The following FCRL3 variants were observed in gnomAD, a reference collection of about 807,000 sequenced individuals.
The protein encoded by FCRL3 is Fc receptor-like protein 3.
Under a neutral mutation model 75.0 loss-of-function variants are expected in FCRL3, and 89 were observed. That is an observed-to-expected ratio of 1.19 (90% confidence interval 1.00 to 1.42). The LOEUF (loss-of-function observed/expected upper bound fraction) is 1.42, where lower values mean the gene tolerates loss of function less well. Ranked by LOEUF, FCRL3 falls within the 40% of genes most tolerant of loss-of-function variation. FCRL3 has a pLI of 0.00. For missense variants in FCRL3, 946 were observed against 880.0 expected (o/e 1.07, Z -0.95); for synonymous variants, 376 against 348.5 (o/e 1.08, Z -0.88).
intron 13 of FCRL3, 79 bp from the exon 14 acceptor site, chr1:157,679,052 C>A: frequency 6.8e-7 from 1 of 1,463,502 alleles, no homozygotes; most frequent in Non-Finnish European, 9.6e-7. Flanking sequence ...ACACTGCATT[C>A]CAAACCAATC....
In FCRL3 at chr1:157,680,742, A is replaced by G. The variant is rs1237769304; in HGVS notation, c.1986T>C (p.Tyr662=). The part of the protein sequence containing the change: ...NVNPGDSNPI[Y]SQIWSIQHTK... ...TATGCTGGATGCTCCAGATCTGGGA[A>G]TAAATCGGGTTGCTATCTCCAGGAT... Residue 662 remains tyrosine, a synonymous_variant, in exon 13 of 15, where the codon TAT becomes TAC. Transcript: ENST00000368184. The G allele has an allele frequency of 3.1e-6, 5 of 1,613,972 alleles. 1 individual carries two copies. The South Asian group carries it at 4.4e-5, about 14-fold the overall frequency.
Position 157,677,963 on chromosome 1 carries a change from A to C in FCRL3, c.*747T>G, listed in dbSNP as rs1654567573. 2.0e-6 allele frequency: 2 copies of C among 985,342 alleles called. No individual in the cohort carries two copies. The highest frequency in any genetic ancestry group is 4.7e-5 in the South Asian group (1 of 21,286). 61.0% of individuals were successfully genotyped at this position (985,342 alleles called of 1,614,324 possible). ...CTCGGGGTTAATGGGTGCTTATAAG[A>C]ATAAAACTGACTGACTAGAAATCTA... On this transcript the variant is annotated 3_prime_UTR_variant, in exon 15 of 15. Coordinates refer to ENST00000368184, the MANE Select transcript of FCRL3 (RefSeq NM_052939.4).
chr1:157,698,291 G>A, intron 4 of FCRL3, 93 bp downstream of exon 4: 1 of 1,475,452 alleles, frequency 6.8e-7, no homozygotes, highest in South Asian at 1.2e-5. Context: ...CCCCATGTCT[G>A]CTTACAACTC....
chr1:157,692,870 T>C (rs1041213678), intron 8 of FCRL3, among the ~76,000 whole-genome samples: 32 of 152,168 alleles, frequency 2.1e-4, no homozygotes, highest in African/African-American at 7.7e-4. Flanking sequence ...TTCTATGTCG[T>C]CTTATTACCA....
chr1:157,684,296 G>A (rs1229090992), intron 10 of FCRL3, among the ~76,000 whole-genome samples: 1 of 152,018 alleles, frequency 6.6e-6, no homozygotes, highest in Non-Finnish European at 1.5e-5. Flanking sequence ...GGCTCTAATC[G>A]GTCTCATTGG....
chr1:157,678,693 C>T lies in FCRL3; in HGVS notation c.*17G>A. ...AATGGTGCAGGCTGTTTCCTGTGGG[C>T]CACTCTGGGTAAGGGGCTAGTGGTC... On this transcript the variant is annotated 3_prime_UTR_variant, in exon 15 of 15. Transcript: ENST00000368184. The T allele has an allele frequency of 6.2e-7, 1 of 1,612,222 alleles. No homozygotes were observed. The highest frequency in any genetic ancestry group is 1.7e-5 in the Admixed American group (1 of 59,976).
intron 10 of FCRL3, 124 bp from the exon 11 acceptor site, chr1:157,683,368 T>C: frequency 8.3e-7 from 1 of 1,204,668 alleles, no homozygotes; most frequent in Middle Eastern, 2.0e-4. Flanking sequence ...AACTCAAGGA[T>C]TATCCAGCTC....
chr1:157,684,632 C>T (rs547466395), intron 10 of FCRL3, among the ~76,000 whole-genome samples: 25 of 152,194 alleles, frequency 1.6e-4, no homozygotes, highest in Admixed American at 8.5e-4. Flanking sequence ...TGGGCCAGCA[C>T]GGTGCTAAGC....
In FCRL3 at chr1:157,677,019, A is replaced by G; in HGVS notation, c.*1691T>C. The G allele has an allele frequency of 7.9e-7, 1 of 1,273,146 alleles. No homozygotes were observed. The highest frequency in any genetic ancestry group is 1.0e-6 in the Non-Finnish European group (1 of 998,578). 78.9% of individuals were successfully genotyped at this position (1,273,146 alleles called of 1,614,324 possible). ...TCCTCCCTCTTCAAGGGACCTTAAA[A>G]TTTTAATGCCAATATGAACATGAAC... On this transcript the variant is annotated 3_prime_UTR_variant, in exon 15 of 15. Transcript: ENST00000368184.
chr1:157,679,689 C>T (rs1190706386), intron 13 of FCRL3, among the ~76,000 whole-genome samples: 1 of 151,394 alleles, frequency 6.6e-6, no homozygotes, highest in Non-Finnish European at 1.5e-5. Flanking sequence ...TTTAGCTGGG[C>T]ATGGTGATGC....
chr1:157,687,477 C>A (rs1224770268), intron 10 of FCRL3, among the ~76,000 whole-genome samples: 1 of 133,040 alleles, frequency 7.5e-6, no homozygotes. Flanking sequence ...CAAAAAGACA[C>A]ATGCACTCAT....
chr1:157,697,170 T>C lies in FCRL3; in HGVS notation c.814A>G (p.Arg272Gly). 1 of 1,503,742 alleles carries C rather than the reference T, an allele frequency of 6.7e-7. No individual in the cohort carries two copies. Among genetic ancestry groups the C allele is most frequent in the South Asian group, 1.4e-5 (1 of 71,784 alleles). 93.1% of individuals were successfully genotyped at this position (1,503,742 alleles called of 1,614,324 possible). A position where few individuals can be genotyped will look rare whatever the true frequency, so the allele number is the denominator to read the frequency against. The change falls in exon 6 of 15, where the codon AGG (arginine) becomes GGG (glycine). Residue 272 changes from arginine to glycine, a missense_variant. Physicochemically the swap from Arg to Gly is moderately radical, Grantham distance 125. Transcript: ENST00000368184. ...VETVTHSIKK[R>G]SLRSQIRVQR... ...ACACGTATCTGAGATCTCAGGCTCC[T>C]TTTTTTGATGCTGTGAGTCACTGTC...
At chr1:157,692,639 A>G (rs1655625371) in intron 8 of FCRL3, among the ~76,000 whole-genome samples, 1 of 152,252 alleles carries the variant, frequency 6.6e-6, no homozygotes, top group South Asian at 2.1e-4. Context: ...AGTTCTAAAA[A>G]GAGGAATTAA....
Position 157,695,549 on chromosome 1 carries a change from C to T in FCRL3, c.1191G>A (p.Gly397=), listed in dbSNP as rs763027763. 3 of 1,614,066 alleles carry T rather than the reference C, an allele frequency of 1.9e-6. No homozygotes were observed. Among genetic ancestry groups the T allele is most frequent in the East Asian group, 2.2e-5 (1 of 44,872 alleles). Residue 397 remains glycine (G), a synonymous_variant, in exon 8 of 15, where the codon GGG becomes GGA. Transcript: ENST00000368184. The part of the protein sequence containing the change: ...FRAPRAHTVV[G]DLLELHCESL... ...ACTCACAGTGAAGCTCCAGCAGGTC[C>T]CCCACCACAGTGTGGGCCCTGGGAG...
chr1:157,693,867 C>A (rs1454527822), intron 8 of FCRL3, among the ~76,000 whole-genome samples: 1 of 152,052 alleles, frequency 6.6e-6, no homozygotes, highest in Non-Finnish European at 1.5e-5. Flanking sequence ...CCCACCTCAG[C>A]CTCCCAAGTA....
chr1:157,695,286 C>A (rs1426007884), intron 8 of FCRL3, 43 bp downstream of exon 8: 2 of 1,571,838 alleles, frequency 1.3e-6, no homozygotes, highest in East Asian at 2.2e-5. Flanking sequence ...AAGACATGAT[C>A]TGTTGTATTG....
chr1:157,676,931 C>A lies in FCRL3; in HGVS notation c.*1779G>T. Reference sequence around the variant, plus strand: ...GTGGTTGGTACCCAAAACCGGTTTACATATTTTCACCATAGAGAAAAAAAC... The same window carrying A: ...GTGGTTGGTACCCAAAACCGGTTTAAATATTTTCACCATAGAGAAAAAAAC... On this transcript the variant is annotated 3_prime_UTR_variant, in exon 15 of 15. Transcript: ENST00000368184. 4 of 1,419,866 alleles carry A rather than the reference C, an allele frequency of 2.8e-6. No homozygotes were observed. Among genetic ancestry groups the A allele is most frequent in the Non-Finnish European group, 3.7e-6 (4 of 1,088,970 alleles). The allele number at this position is 1,419,866 out of a possible 1,614,324, so 88.0% of individuals were successfully genotyped here. A position where few individuals can be genotyped will look rare whatever the true frequency, so the allele number is the denominator to read the frequency against.
In FCRL3 at chr1:157,689,845, G is replaced by T. The variant is rs1193820363; in HGVS notation, c.1763C>A (p.Ala588Asp). The change falls in exon 10 of 15, where the codon GCT (alanine) becomes GAT (aspartate). Residue 588 changes from alanine to aspartate, a missense_variant. Coordinates refer to ENST00000368184, the MANE Select transcript of FCRL3 (RefSeq NM_052939.4). ...TGLVLSILVLAAAAALLHYAR... is the reference protein window; with the variant it reads ...TGLVLSILVLDAAAALLHYAR... ...GTAATGCAGCAGAGCAGCAGCAGCA[G>T]CAAGGACGAGGATGCTGAGCACCAG... 10 of 1,614,224 alleles carry T rather than the reference G, an allele frequency of 6.2e-6. No individual in the cohort carries two copies. The highest frequency in any genetic ancestry group is 2.2e-5 in the South Asian group (2 of 91,086).
chr1:157,679,830 CAAAAAAAAAAAAA>C (rs1166825112), intron 13 of FCRL3, among the ~76,000 whole-genome samples: 6 of 49,904 alleles, frequency 1.2e-4, no homozygotes, highest in African/African-American at 1.8e-4. Context: ...CCCCATCTCA[CAAAAAAAAAAAAA>C]AAAAAAAAAA....
Sources: allele counts gnomAD v4.1 joint callset (sites outside exome capture counted in the v4.1 genomes callset), GRCh38; gene constraint gnomAD v4.1.1; transcripts MANE v1.5; gene names NCBI Gene and HGNC (gene_info 2026-07-23, HGNC 2026-07-21).